The following ALDH2 variants were observed in gnomAD, a reference collection of about 807,000 sequenced individuals.
ALDH2 encodes aldehyde dehydrogenase, mitochondrial.
ALDH2 carries 44 observed loss-of-function variants against 59.6 expected under a neutral mutation model. The observed-to-expected ratio is 0.74, with a 90% confidence interval of 0.58 to 0.95. The LOEUF (loss-of-function observed/expected upper bound fraction) is 0.95, where lower values mean the gene tolerates loss of function less well. Ranked by LOEUF, ALDH2 falls within the 40% of genes least tolerant of loss-of-function variation. The pLI, the probability that ALDH2 is intolerant of heterozygous loss-of-function variation, is 0.00. For missense variants in ALDH2, 570 were observed against 696.3 expected (o/e 0.82, Z 2.04); for synonymous variants, 291 against 284.0 (o/e 1.02, Z -0.25).
intron 3 of ALDH2, 115 bp downstream of exon 3, chr12:111,783,413 A>C: frequency 2.3e-6 from 3 of 1,319,218 alleles, no homozygotes; most frequent in Non-Finnish European, 3.1e-6. Flanking sequence ...CACATCTGAC[A>C]CGGGACTGAT....
At chr12:111,789,020 T>TC (rs1380806477) in intron 4 of ALDH2, among the ~76,000 whole-genome samples, 1 of 145,056 alleles carries the variant, frequency 6.9e-6, no homozygotes, top group Non-Finnish European at 1.5e-5. Flanking sequence ...TTCTTTTCTT[T>TC]TTTTTTTTTT....
In ALDH2 at chr12:111,809,595, C is replaced by T; in HGVS notation, c.*20C>T. 3 of 1,613,912 alleles carry T rather than the reference C, an allele frequency of 1.9e-6. No homozygotes were observed. The highest frequency in any genetic ancestry group is 1.7e-6 in the Non-Finnish European group (2 of 1,179,916). ...TCATAAGAATCATGCAAGCTTCCTCCCTCAGCCATTGATGGAAAGTTCAGC... is the reference window on the plus strand; with the variant it reads ...TCATAAGAATCATGCAAGCTTCCTCTCTCAGCCATTGATGGAAAGTTCAGC... On this transcript the variant is annotated 3_prime_UTR_variant, in exon 13 of 13. Transcript: ENST00000261733.
At position 111,807,895 on chromosome 12, in the gene ALDH2, G is replaced by C. The variant is rs1174430808; in HGVS notation, c.1522-1648G>C. On this transcript the variant is annotated intron_variant, in intron 12 of 12. Coordinates refer to ENST00000261733, the MANE Select transcript of ALDH2 (RefSeq NM_000690.4). The stretch of plus-strand genomic sequence containing the variant: ...GCTCAATTTTTTTTTTTTTTTTTCT[G>C]AGCCAGAGTCTTGCTCTGTTGCTCA... Among the ~76,000 whole-genome samples the C allele has an allele frequency of 4.3e-4, 60 of 140,760 alleles. 1 individual carries two copies. Among genetic ancestry groups the C allele is most frequent in the African/African-American group, 1.5e-3 (58 of 38,160 alleles). The allele number at this position is 140,760 out of a possible 152,430, so 92.3% of individuals were successfully genotyped here. A position where few individuals can be genotyped will look rare whatever the true frequency, so the allele number is the denominator to read the frequency against.
At chr12:111,804,741 C>T (rs1406134470) in intron 12 of ALDH2, among the ~76,000 whole-genome samples, 2 of 140,136 alleles carry the variant, frequency 1.4e-5, no homozygotes, top group Non-Finnish European at 3.0e-5. Context: ...AGCGAGACTC[C>T]GTCTCAAAAA....
intron 1 of ALDH2, among the ~76,000 whole-genome samples, chr12:111,769,289 A>T (rs1019172484): frequency 1.3e-5 from 2 of 152,146 alleles, no homozygotes; most frequent in Admixed American, 6.5e-5. Flanking sequence ...AAGGTGATTC[A>T]TGCCTGTAAT....
intron 7 of ALDH2, 27 bp from the exon 8 acceptor site, chr12:111,792,034 C>T (rs1196712146): frequency 2.7e-6 from 4 of 1,473,114 alleles, no homozygotes; most frequent in Admixed American, 1.7e-5. Context: ...GCACTGAGAG[C>T]TTGTTCCTGT....
rs777973957 is a variant in ALDH2, at chr12:111,810,579, A to G, written c.*1004A>G. Reference sequence around the variant, plus strand: ...AAACATGATGCCCAAGAGAGGGGAGAGATACTGAATGTCCAATGTTCTCAA... The same window carrying G: ...AAACATGATGCCCAAGAGAGGGGAGGGATACTGAATGTCCAATGTTCTCAA... On this transcript the variant is annotated 3_prime_UTR_variant, in exon 13 of 13. Coordinates refer to ENST00000261733, the MANE Select transcript of ALDH2 (RefSeq NM_000690.4). The G allele has an allele frequency of 6.6e-6, 1 of 151,468 alleles. No homozygotes were observed. The highest frequency in any genetic ancestry group is 1.5e-5 in the Non-Finnish European group (1 of 68,044). The allele number at this position is 151,468 out of a possible 1,614,324, so 9.4% of individuals were successfully genotyped here.
At chr12:111,772,015 CTT>C in intron 1 of ALDH2, among the ~76,000 whole-genome samples, 1 of 152,042 alleles carries the variant, frequency 6.6e-6, no homozygotes, top group East Asian at 1.9e-4. Flanking sequence ...ATGAGAATCA[CTT>C]TAACCCGGGA....
rs1467511131 is a variant in ALDH2, at chr12:111,809,826, T to G, written c.*251T>G. ...TTCAGGATGATTTTTAAAAAATAGA[T>G]TCAAATGTGTTATCCTCTCTCTGAA... On this transcript the variant is annotated 3_prime_UTR_variant, in exon 13 of 13. Coordinates refer to ENST00000261733, the MANE Select transcript of ALDH2 (RefSeq NM_000690.4). 1 of 551,534 alleles carries G rather than the reference T, an allele frequency of 1.8e-6. No homozygotes were observed. Among genetic ancestry groups the G allele is most frequent in the African/African-American group, 1.9e-5 (1 of 52,764 alleles). 34.2% of individuals were successfully genotyped at this position (551,534 alleles called of 1,614,324 possible). A position where few individuals can be genotyped will look rare whatever the true frequency, so the allele number is the denominator to read the frequency against.
At chr12:111,790,330 G>C in intron 5 of ALDH2, 104 bp from the exon 6 acceptor site, 2 of 1,481,044 alleles carry the variant, frequency 1.4e-6, no homozygotes, top group South Asian at 2.5e-5. Context: ...GCAGGGTTCA[G>C]AGAACTCGGT....
At chr12:111,793,444 G>T (rs747454029) in intron 9 of ALDH2, among the ~76,000 whole-genome samples, 1 of 151,994 alleles carries the variant, frequency 6.6e-6, no homozygotes, top group African/African-American at 2.4e-5. Flanking sequence ...CGTACAGAGG[G>T]TGCCCATATA....
intron 12 of ALDH2, among the ~76,000 whole-genome samples, chr12:111,807,194 C>T (rs1339364044): frequency 1.3e-5 from 2 of 151,226 alleles, no homozygotes; most frequent in East Asian, 1.9e-4. Flanking sequence ...ACTCGGGAGG[C>T]GGAGCTTGCA....
intron 5 of ALDH2, 75 bp downstream of exon 5, chr12:111,790,009 C>A: frequency 6.9e-7 from 1 of 1,447,632 alleles, no homozygotes. Flanking sequence ...TGCAGAGGTT[C>A]TGGGGTGGTG....
chr12:111,780,398 A>G (rs532325950), intron 1 of ALDH2, among the ~76,000 whole-genome samples: 1 of 151,946 alleles, frequency 6.6e-6, no homozygotes, highest in South Asian at 2.1e-4. Context: ...GTTTTTTATC[A>G]CTTCCTTTCT....
chr12:111,809,760 GTA>G lies in ALDH2; in HGVS notation c.*189_*190del. ...CATGGTGGGTTGGCTGAGGGTAAGA[GTA>G]TATGAGGAACCTTTTAAACGACAAC... On this transcript the variant is annotated 3_prime_UTR_variant, in exon 13 of 13. Coordinates refer to ENST00000261733, the MANE Select transcript of ALDH2 (RefSeq NM_000690.4). 1 of 633,134 alleles carries G rather than the reference GTA, an allele frequency of 1.6e-6. No individual in the cohort carries two copies. Among genetic ancestry groups the G allele is most frequent in the Non-Finnish European group, 2.7e-6 (1 of 366,034 alleles). 39.2% of individuals were successfully genotyped at this position (633,134 alleles called of 1,614,324 possible).
chr12:111,780,490 A>C (rs866986773), intron 1 of ALDH2, among the ~76,000 whole-genome samples: 1 of 152,096 alleles, frequency 6.6e-6, no homozygotes, highest in African/African-American at 2.4e-5. Context: ...TGCACTTGCT[A>C]TTCCACAGCC....
rs557426856 is a variant in ALDH2, at chr12:111,810,183, A to G, written c.*608A>G. On this transcript the variant is annotated 3_prime_UTR_variant, in exon 13 of 13. Coordinates refer to ENST00000261733, the MANE Select transcript of ALDH2 (RefSeq NM_000690.4). ...GGCAGTCATGGTGGCTGGCACCTGT[A>G]ATCCCAGCTACTTGGGAGGCTGAGG... 1 of 154,972 alleles carries G rather than the reference A, an allele frequency of 6.5e-6. No individual in the cohort carries two copies. Among genetic ancestry groups the G allele is most frequent in the South Asian group, 2.0e-4 (1 of 4,890 alleles). The allele number at this position is 154,972 out of a possible 1,614,324, so 9.6% of individuals were successfully genotyped here. A position where few individuals can be genotyped will look rare whatever the true frequency, so the allele number is the denominator to read the frequency against.
At chr12:111,792,452 C>G (rs891137190) in intron 8 of ALDH2, 146 bp from the exon 9 acceptor site, 72 of 978,102 alleles carry the variant, frequency 7.4e-5, no homozygotes, top group Non-Finnish European at 1.0e-4. Flanking sequence ...TCCGAGAGCA[C>G]CCCTCATCTC....
In ALDH2 at chr12:111,785,330, G is replaced by A. The variant is rs1566186033; in HGVS notation, c.424G>A (p.Val142Ile). 6.2e-7 allele frequency: 1 copy of A among 1,613,952 alleles called. No individual in the cohort carries two copies. The highest frequency in any genetic ancestry group is 8.5e-7 in the Non-Finnish European group (1 of 1,179,832). ...VISYLVDLDMVLKCLRYYAGW... is the reference protein window; with the variant it reads ...VISYLVDLDMILKCLRYYAGW... ...CTCCTACCTGGTGGATTTGGACATG[G>A]TCCTCAAATGTCTCCGGTATGGGCT... Residue 142 changes from valine (V) to isoleucine (I), a missense_variant, in exon 4 of 13, where the codon GTC becomes ATC. Transcript: ENST00000261733.
Sources: allele counts gnomAD v4.1 joint callset (sites outside exome capture counted in the v4.1 genomes callset), GRCh38; gene constraint gnomAD v4.1.1; transcripts MANE v1.5; gene names NCBI Gene and HGNC (gene_info 2026-07-23, HGNC 2026-07-21).